DSCAM: variants seen among roughly 807,000 people sequenced by gnomAD.
The protein encoded by DSCAM is DS cell adhesion molecule.
DSCAM carries 47 observed loss-of-function variants against 217.7 expected under a neutral mutation model. The observed-to-expected ratio is 0.22, with a 90% confidence interval of 0.17 to 0.28. The LOEUF is 0.28. Among genes scored for constraint, DSCAM ranks in the 10% least tolerant of loss-of-function variants. The probability of loss-of-function intolerance (pLI) is 1.00; values close to 1 mark genes in which losing one functional copy is unlikely to be tolerated. For missense variants in DSCAM, 2,080 were observed against 2,618.3 expected (o/e 0.79, Z 4.49); for synonymous variants, 1,056 against 1,015.3 (o/e 1.04, Z -0.76).
rs1463628845 is a variant in DSCAM, at chr21:40,339,172, G to A, written c.1454C>T (p.Thr485Ile). The A allele has an allele frequency of 1.2e-6, 2 of 1,614,106 alleles. No homozygotes were observed. Among genetic ancestry groups the A allele is most frequent in the African/African-American group, 2.7e-5 (2 of 74,940 alleles). ...QVRDGGVYRC[T>I]ANNSAGVVLY... ...GACGACTCCCGCCGAGTTGTTGGCA[G>A]TGCAGCGGTAGACTCCCCCGTCCCG... Residue 485 changes from threonine (T) to isoleucine (I), a missense_variant, in exon 7 of 33, where the codon ACT becomes ATT. This residue lies in a region of DSCAM where 568 missense variants were observed against 678.1 expected (regional missense o/e 0.84). Transcript: ENST00000400454.
intron 20 of DSCAM, among the ~76,000 whole-genome samples, chr21:40,094,321 C>A (rs1233450389): frequency 1.3e-5 from 2 of 152,134 alleles, no homozygotes; most frequent in Non-Finnish European, 2.9e-5. Flanking sequence ...ATTTGTAGGG[C>A]AGTGTAAATT....
intron 1 of DSCAM, among the ~76,000 whole-genome samples, chr21:40,834,360 T>A (rs1026160905): frequency 6.7e-6 from 1 of 150,004 alleles, no homozygotes; most frequent in African/African-American, 2.5e-5. Flanking sequence ...TGAGCAGAGA[T>A]CACGCCACTG....
intron 3 of DSCAM, among the ~76,000 whole-genome samples, chr21:40,426,664 A>G (rs2075477862): frequency 6.6e-6 from 1 of 152,210 alleles, no homozygotes; most frequent in African/African-American, 2.4e-5. Context: ...AAAGTACAAG[A>G]TACTTTCCCA....
At chr21:40,838,075 T>G (rs35480596) in intron 1 of DSCAM, among the ~76,000 whole-genome samples, 63,071 of 152,048 alleles carry the variant, frequency 0.41, 14,944 homozygotes, top group African/African-American at 0.64. Flanking sequence ...CTTAAAGTAA[T>G]AAGTTTCCTT....
rs201995032 is a variant in DSCAM at position 40,080,137 on chromosome 21, A to G, written c.4420+15T>C. 1.4e-4 allele frequency: 208 copies of G among 1,540,566 alleles called. 6 individuals are homozygous for G. Among genetic ancestry groups the G allele is most frequent in the Non-Finnish European group, 1.8e-4 (199 of 1,133,392 alleles). On this transcript the variant is annotated intron_variant, in intron 25 of 32. Transcript: ENST00000400454. ...AAAGAAAGGATATTAAGAAGCGATG[A>G]GAAGGCATACCTACCTTTTCCTAAG... is the stretch of plus-strand genomic sequence containing the variant.
Position 40,178,905 on chromosome 21 carries a change from G to A in DSCAM, c.2947+22C>T, listed in dbSNP as rs375830327. 2.4e-4 allele frequency: 391 copies of A among 1,612,344 alleles called. 1 individual carries two copies. The African/African-American group carries it at 4.5e-3, about 19-fold the overall frequency. ...TAGCTCCCGGGCTCCTCTGGAGCAA[G>A]GTTCCGCCCGGTCCCACGTACCTGC... On this transcript the variant is annotated intron_variant, in intron 15 of 32. Coordinates refer to ENST00000400454, the MANE Select transcript of DSCAM (RefSeq NM_001389.5).
intron 3 of DSCAM, among the ~76,000 whole-genome samples, chr21:40,657,329 A>C (rs964506138): frequency 5.3e-5 from 8 of 152,216 alleles, no homozygotes; most frequent in Non-Finnish European, 8.8e-5. Context: ...GGAATATATC[A>C]ATAATTAGCC....
chr21:40,013,468 A>C, intron 32 of DSCAM, 82 bp from the exon 33 acceptor site: 10 of 1,069,238 alleles, frequency 9.4e-6, no homozygotes, highest in Non-Finnish European at 1.3e-5. Flanking sequence ...ACGGGAAGCC[A>C]TGCGGGCTTT....
chr21:40,175,095 C>A (rs151089464), intron 15 of DSCAM, among the ~76,000 whole-genome samples: 1 of 152,102 alleles, frequency 6.6e-6, no homozygotes, highest in Non-Finnish European at 1.5e-5. Context: ...ACTTATACAC[C>A]ACAGAAGTTT....
intron 12 of DSCAM, among the ~76,000 whole-genome samples, chr21:40,188,635 G>A (rs1007716209): frequency 1.3e-5 from 2 of 149,934 alleles, no homozygotes; most frequent in African/African-American, 2.5e-5. Flanking sequence ...TTTTATTGTG[G>A]ATTTTTCCAA....
chr21:40,616,596 C>T (rs1402218964), intron 3 of DSCAM, among the ~76,000 whole-genome samples: 2 of 152,184 alleles, frequency 1.3e-5, no homozygotes, highest in African/African-American at 4.8e-5. Context: ...ACTGCTGGGT[C>T]TCCTCTAGAC....
intron 10 of DSCAM, among the ~76,000 whole-genome samples, chr21:40,294,932 G>T (rs2073937096): frequency 6.6e-6 from 1 of 152,090 alleles, no homozygotes; most frequent in South Asian, 2.1e-4. Context: ...TAAAAATTTA[G>T]CTATTTTCCC....
At chr21:40,674,632 CTTTT>C (rs869046725) in intron 3 of DSCAM, among the ~76,000 whole-genome samples, 1 of 51,996 alleles carries the variant, frequency 1.9e-5, no homozygotes, top group African/African-American at 6.4e-5. Flanking sequence ...TTTTCTTTTT[CTTTT>C]TTTTTTTTTT....
chr21:40,586,586 GTAGAGCCTGAGATTTTGCA>G (rs1300997513), intron 3 of DSCAM, among the ~76,000 whole-genome samples: 5 of 152,192 alleles, frequency 3.3e-5, no homozygotes, highest in African/African-American at 1.2e-4. Context: ...GGAGATCTGG[GTAGAGCCTGAGATTTTGCA>G]TTCCTGACCA....
chr21:40,638,287 C>A (rs1003937679), intron 3 of DSCAM, among the ~76,000 whole-genome samples: 2 of 152,108 alleles, frequency 1.3e-5, no homozygotes, highest in Non-Finnish European at 2.9e-5. Flanking sequence ...TCCCTGGTAA[C>A]GAGATGGTAA....
chr21:40,408,447 G>A (rs975930763), intron 3 of DSCAM, among the ~76,000 whole-genome samples: 2 of 152,080 alleles, frequency 1.3e-5, no homozygotes, highest in Non-Finnish European at 2.9e-5. Context: ...CTGGTTATGA[G>A]ACATTTGCTG....
intron 32 of DSCAM, among the ~76,000 whole-genome samples, chr21:40,036,185 T>G (rs1266212681): frequency 1.4e-5 from 2 of 144,504 alleles, no homozygotes; most frequent in African/African-American, 5.4e-5. Context: ...CTGAAGGAAA[T>G]AGAGACACAA....
intron 6 of DSCAM, among the ~76,000 whole-genome samples, chr21:40,343,317 T>C (rs1337532710): frequency 6.6e-6 from 1 of 152,192 alleles, no homozygotes; most frequent in African/African-American, 2.4e-5. Flanking sequence ...GCTGCTAGTA[T>C]AATGTTGAAT....
chr21:40,580,259 G>A (rs959943029), intron 3 of DSCAM, among the ~76,000 whole-genome samples: 13 of 151,832 alleles, frequency 8.6e-5, no homozygotes, highest in Non-Finnish European at 1.6e-4. Flanking sequence ...AGGCCTGGTC[G>A]GGGTGGCTCA....
Sources: gnomAD v4.1 joint callset for allele counts (sites outside exome capture counted in the v4.1 genomes callset) on GRCh38, gnomAD v4.1.1 for gene constraint, gnomAD v4.1.1 regional missense constraint, MANE v1.5 for transcripts, NCBI Gene and HGNC (gene_info 2026-07-23, HGNC 2026-07-21) for gene names.